TMEM63B: variants seen among roughly 807,000 people sequenced by gnomAD.
TMEM63B encodes the protein mechanosensitive cation channel TMEM63B.
In TMEM63B, 23 loss-of-function variants were observed where a neutral mutation model predicts 102.6. The ratio of observed to expected loss-of-function variants is 0.22; its 90% CI spans 0.16 to 0.32. The LOEUF (loss-of-function observed/expected upper bound fraction) is 0.32, where lower values mean the gene tolerates loss of function less well. Among genes scored for constraint, TMEM63B ranks in the 10% least tolerant of loss-of-function variants. TMEM63B has a pLI of 1.00. For missense variants in TMEM63B, 628 were observed against 1,095.9 expected (o/e 0.57, Z 6.03); for synonymous variants, 444 against 437.0 (o/e 1.02, Z -0.20).
Position 44,151,956 on chromosome 6 carries a change from T to G in TMEM63B, c.1784T>G (p.Met595Arg), listed in dbSNP as rs1324030345. The change falls in exon 19 of 24, where the codon ATG (methionine) becomes AGG (arginine). Residue 595 changes from methionine (M) to arginine (R), a missense_variant. Met to Arg is a moderately conservative substitution (Grantham distance 91). Around this residue, in one of 6 missense-constraint regions of TMEM63B, gnomAD observed 90 missense variants for 136.7 expected, o/e 0.66. Coordinates refer to ENST00000323267, the MANE Select transcript of TMEM63B (RefSeq NM_018426.3). ...CGCATCCCAGGCCTGCTCATGTACA[T>G]GATCCGGCTCTGCCTGGCGCGCTCG... is the stretch of plus-strand genomic sequence containing the variant. ...LLRIPGLLMY[M>R]IRLCLARSAA... The G allele has an allele frequency of 6.2e-7, 1 of 1,613,180 alleles. No individual in the cohort carries two copies.
chr6:44,145,886 T>G (rs1458219254), intron 10 of TMEM63B, among the ~76,000 whole-genome samples: 1 of 152,222 alleles, frequency 6.6e-6, no homozygotes, highest in Non-Finnish European at 1.5e-5. Context: ...TTCTCTCTGG[T>G]CAGTCTTAAG....
rs1337749126 is a variant in TMEM63B, at chr6:44,148,185, G to A, written c.988-67G>A. ...TTGTAGGAAGCCCCAAGTCAGCGTGGGCTGGATGCTGCAGGCCCCAGCCTG... is the reference window on the plus strand; with the variant it reads ...TTGTAGGAAGCCCCAAGTCAGCGTGAGCTGGATGCTGCAGGCCCCAGCCTG... On this transcript the variant is annotated intron_variant, in intron 12 of 23. Transcript: ENST00000323267. This position sits in a 1 kb window ranked among gnomAD's most constrained non-coding sequence, Gnocchi z 5.1. 7 of 1,596,838 alleles carry A rather than the reference G, an allele frequency of 4.4e-6. No individual in the cohort carries two copies. The highest frequency in any genetic ancestry group is 1.3e-5 in the African/African-American group (1 of 74,282).
intron 20 of TMEM63B, among the ~76,000 whole-genome samples, chr6:44,153,193 C>T (rs545022307): frequency 4.6e-5 from 7 of 152,334 alleles, no homozygotes; most frequent in African/African-American, 1.7e-4. Context: ...AGCAAAGTTT[C>T]TCTTTAACCA....
At chr6:44,132,447 G>C (rs1762129509) in intron 1 of TMEM63B, among the ~76,000 whole-genome samples, 1 of 152,178 alleles carries the variant, frequency 6.6e-6, no homozygotes, top group African/African-American at 2.4e-5. Context: ...ATTCTGATCT[G>C]ATGGAGCCTT....
In TMEM63B at chr6:44,153,745, A is replaced by G; in HGVS notation, c.2012A>G (p.Lys671Arg). 1 of 1,614,164 alleles carries G rather than the reference A, an allele frequency of 6.2e-7. No homozygotes were observed. The highest frequency in any genetic ancestry group is 8.5e-7 in the Non-Finnish European group (1 of 1,180,028). The change falls in exon 21 of 24, where the codon AAG (lysine) becomes AGG (arginine). Residue 671 changes from lysine (K) to arginine (R), a missense_variant. This residue lies in a region of TMEM63B where 90 missense variants were observed against 136.7 expected (regional missense o/e 0.66). Coordinates refer to ENST00000323267, the MANE Select transcript of TMEM63B (RefSeq NM_018426.3). ...YNLYYAYLPA[K>R]LDKKIHSGAV... ...CTCTACTACGCCTACCTGCCGGCCA[A>G]GCTGGACAAGAAGATCCACTCGGGG...
chr6:44,153,856 T>C lies in TMEM63B; in HGVS notation c.2110+13T>C, dbSNP rs1394352097. The stretch of plus-strand genomic sequence containing the variant: ...ACCATGCGCACGGGTGAGGGATCCC[T>C]ACCCAGGGAACGGGGGGTGGCGAGC... On this transcript the variant is annotated intron_variant, in intron 21 of 23. Coordinates refer to ENST00000323267, the MANE Select transcript of TMEM63B (RefSeq NM_018426.3). 1 of 1,546,642 alleles carries C rather than the reference T, an allele frequency of 6.5e-7. No individual in the cohort carries two copies. The highest frequency in any genetic ancestry group is 1.1e-5 in the South Asian group (1 of 89,496).
rs1766225741 is a variant in TMEM63B at position 44,149,843 on chromosome 6, CT to C, written c.1414-15del. The C allele has an allele frequency of 9.4e-6, 15 of 1,599,656 alleles. No homozygotes were observed. Among genetic ancestry groups the C allele is most frequent in the Non-Finnish European group, 1.3e-5 (15 of 1,172,976 alleles). ...CTAGACTGCCCTGCCTGACGCCCCCCTGTGCCCTGCTGCAGAACCCCATCAT... is the reference window on the plus strand; with the variant it reads ...CTAGACTGCCCTGCCTGACGCCCCCCGTGCCCTGCTGCAGAACCCCATCAT... On this transcript the variant is annotated splice_polypyrimidine_tract_variant and intron_variant, in intron 15 of 23. Coordinates refer to ENST00000323267, the MANE Select transcript of TMEM63B (RefSeq NM_018426.3).
chr6:44,149,777 C>T (rs1766200116), intron 15 of TMEM63B, 82 bp from the exon 16 acceptor site: 14 of 1,137,432 alleles, frequency 1.2e-5, no homozygotes, highest in Admixed American at 4.2e-5. Context: ...GCCAAGGGCC[C>T]AGCTGGGGAG....
At chr6:44,127,985 C>G (rs1777530554) in intron 1 of TMEM63B, 1 of 151,092 alleles carries the variant, frequency 6.6e-6, no homozygotes, top group Non-Finnish European at 1.5e-5. Context: ...TCTTCTCCCA[C>G]CTGCCCGGTG....
chr6:44,147,302 G>T, intron 11 of TMEM63B, 75 bp from the exon 12 acceptor site: 1 of 1,608,280 alleles, frequency 6.2e-7, no homozygotes. Flanking sequence ...TGTCCTTGGG[G>T]AGTGAGCTAG....
At chr6:44,149,388 C>G (rs1766108154) in intron 15 of TMEM63B, 1 of 310,998 alleles carries the variant, frequency 3.2e-6, no homozygotes. Flanking sequence ...CCTCTCCTCC[C>G]ACGCATAGAG....
At position 44,155,198 on chromosome 6, in the gene TMEM63B, T is replaced by A. The variant is rs975250792; in HGVS notation, c.*315T>A. 1.6e-5 allele frequency: 3 copies of A among 183,612 alleles called. No individual in the cohort carries two copies. The highest frequency in any genetic ancestry group is 3.4e-5 in the Non-Finnish European group (3 of 89,262). 11.4% of individuals were successfully genotyped at this position (183,612 alleles called of 1,614,324 possible). A position where few individuals can be genotyped will look rare whatever the true frequency, so the allele number is the denominator to read the frequency against. The stretch of plus-strand genomic sequence containing the variant: ...GAGGGTTAATGAGAGCCAAGAGGAG[T>A]ACCTGGTGCACCTGGTGCCGGTGGC... On this transcript the variant is annotated 3_prime_UTR_variant, in exon 24 of 24. Coordinates refer to ENST00000323267, the MANE Select transcript of TMEM63B (RefSeq NM_018426.3).
chr6:44,138,018 T>G (rs879792520), intron 5 of TMEM63B, among the ~76,000 whole-genome samples: 1 of 152,128 alleles, frequency 6.6e-6, no homozygotes, highest in African/African-American at 2.4e-5. Flanking sequence ...GGAGATACCT[T>G]GCAGCTCATA....
chr6:44,140,488 C>A, intron 9 of TMEM63B, 128 bp downstream of exon 9: 2 of 754,562 alleles, frequency 2.7e-6, no homozygotes, highest in Non-Finnish European at 4.6e-6. Flanking sequence ...AGCTCAGGAG[C>A]TCCCATCCTG....
At position 44,149,963 on chromosome 6, in the gene TMEM63B, A is replaced by G; in HGVS notation, c.1518A>G (p.Thr506=). Residue 506 remains threonine (T), a splice_region_variant and synonymous_variant, in exon 16 of 24, where the codon ACA becomes ACG. Coordinates refer to ENST00000323267, the MANE Select transcript of TMEM63B (RefSeq NM_018426.3). Reference sequence around the variant, plus strand: ...CAGCCTTCTTTGAAGCCCACTGGACACGGTAAGGTGCCTCCACTCACACCA... The same window carrying G: ...CAGCCTTCTTTGAAGCCCACTGGACGCGGTAAGGTGCCTCCACTCACACCA... The part of the protein sequence containing the change: ...YYSAFFEAHW[T]RSGENRTTMH... 6.2e-6 allele frequency: 10 copies of G among 1,612,810 alleles called. No individual in the cohort carries two copies. The highest frequency in any genetic ancestry group is 8.5e-6 in the Non-Finnish European group (10 of 1,179,434).
chr6:44,141,001 A>C (rs1444210668), intron 9 of TMEM63B, 27 bp from the exon 10 acceptor site: 6 of 1,612,776 alleles, frequency 3.7e-6, no homozygotes, highest in African/African-American at 1.3e-5. Flanking sequence ...AAGCCTCAGA[A>C]GGCAAACCCA....
Position 44,148,841 on chromosome 6 carries a change from A to G in TMEM63B, c.1309A>G (p.Ile437Val). 3 of 1,614,084 alleles carry G rather than the reference A, an allele frequency of 1.9e-6. No homozygotes were observed. In the South Asian group the frequency reaches 3.3e-5, roughly 18 times the overall value. The change falls in exon 15 of 24, where the codon ATC (isoleucine) becomes GTC (valine). Residue 437 changes from isoleucine to valine, a missense_variant. Around this residue, in one of 6 missense-constraint regions of TMEM63B, gnomAD observed 336 missense variants for 580.3 expected, o/e 0.58. Coordinates refer to ENST00000323267, the MANE Select transcript of TMEM63B (RefSeq NM_018426.3). The surrounding 1 kb of genome is among the most constrained non-coding windows in gnomAD (Gnocchi z 5.1). ...GFIWWLRCLV[I>V]NVVLFILLFF... ...CATCTGGTGGCTGCGCTGCCTGGTC[A>G]TCAATGTCGTCCTCTTCATCCTCCT...
intron 6 of TMEM63B, chr6:44,138,741 C>CCCCCA: frequency 2.5e-6 from 1 of 406,654 alleles, no homozygotes; most frequent in Non-Finnish European, 4.6e-6. Context: ...TGCCGGCCCC[C>CCCCCA]CCGCTTCTCT....
Position 44,148,454 on chromosome 6 carries a change from C to T in TMEM63B, c.1122-59C>T. The T allele has an allele frequency of 6.2e-7, 1 of 1,612,488 alleles. No individual in the cohort carries two copies. The highest frequency in any genetic ancestry group is 2.2e-5 in the East Asian group (1 of 44,872). ...GCTCCCTGACCCCTGTGCTCATGGC[C>T]TTCTGCCAGCAGTGTGGCCTCCAGG... On this transcript the variant is annotated intron_variant, in intron 13 of 23. Coordinates refer to ENST00000323267, the MANE Select transcript of TMEM63B (RefSeq NM_018426.3). This position sits in a 1 kb window ranked among gnomAD's most constrained non-coding sequence, Gnocchi z 5.1.
Sources: gnomAD v4.1 joint callset for allele counts (sites outside exome capture counted in the v4.1 genomes callset) on GRCh38, gnomAD v4.1.1 for gene constraint, gnomAD v4.1.1 regional missense constraint, Gnocchi (gnomAD v3.1) non-coding constraint, MANE v1.5 for transcripts, NCBI Gene and HGNC (gene_info 2026-07-23, HGNC 2026-07-21) for gene names.